Variants in ENO1 observed in about 807,000 individuals in gnomAD.
The protein encoded by ENO1 is enolase 1.
In ENO1, 33 loss-of-function variants were observed where a neutral mutation model predicts 46.3. The ratio of observed to expected loss-of-function variants is 0.71; its 90% confidence interval spans 0.54 to 0.95. The LOEUF (loss-of-function observed/expected upper bound fraction) is 0.95, where lower values mean the gene tolerates loss of function less well. Among genes scored for constraint, ENO1 ranks in the 40% least tolerant of loss-of-function variants. The probability of loss-of-function intolerance (pLI) is 0.00; values close to 1 mark genes in which losing one functional copy is unlikely to be tolerated. For missense variants in ENO1, 488 were observed against 553.3 expected (o/e 0.88, Z 1.18); for synonymous variants, 220 against 216.0 (o/e 1.02, Z -0.16).
Position 8,867,254 on chromosome 1 carries a change from G to C in ENO1, c.311-4C>G, listed in dbSNP as rs199776385. The C allele has an allele frequency of 1.5e-4, 235 of 1,613,836 alleles. 1 individual carries two copies. The highest frequency in any genetic ancestry group is 1.9e-4 in the Non-Finnish European group (223 of 1,179,884). On this transcript the variant is annotated splice_polypyrimidine_tract_variant and splice_region_variant and intron_variant, in intron 5 of 11. Transcript: ENST00000234590. ...ATGGCGTTCGCACCAAACTTAGCTA[G>C]AACAGAAGAGAACCGAGTGGAATGA...
At chr1:8,870,652 C>T (rs1002166224) in intron 3 of ENO1, 142 bp from the exon 4 acceptor site, 117 of 1,499,930 alleles carry the variant, frequency 7.8e-5, no homozygotes, top group Non-Finnish European at 2.5e-5. Flanking sequence ...TCTCCCCTTT[C>T]CCCCCAGAAT....
intron 3 of ENO1, chr1:8,871,653 T>C (rs963666889): frequency 2.3e-6 from 3 of 1,326,064 alleles, no homozygotes; most frequent in Non-Finnish European, 2.9e-6. Context: ...CAAACTGCAA[T>C]AGAAGCAAGC....
intron 7 of ENO1, chr1:8,865,991 G>C: frequency 2.7e-6 from 1 of 368,304 alleles, no homozygotes; most frequent in South Asian, 3.1e-5. Context: ...AAACTAGTAG[G>C]TATCACTTGA....
intron 4 of ENO1, chr1:8,870,224 C>G (rs1022127127): frequency 1.8e-6 from 1 of 550,162 alleles, no homozygotes; most frequent in African/African-American, 1.9e-5. Flanking sequence ...AACCTCAGGG[C>G]TCGAAGTGTC....
chr1:8,861,393 G>A lies in ENO1; in HGVS notation c.1272C>T (p.Ala424=), dbSNP rs754648631. 15 of 1,614,026 alleles carry A rather than the reference G, an allele frequency of 9.3e-6. No individual in the cohort carries two copies. The highest frequency in any genetic ancestry group is 4.4e-5 in the South Asian group (4 of 91,080). Residue 424 remains alanine (A), a synonymous_variant, in exon 12 of 12, where the codon GCC becomes GCT. Transcript: ENST00000234590. ...EEELGSKAKF[A]GRNFRNPLAK ...CCAAGGGGTTTCTGAAGTTCCTGCC[G>A]GCAAACTTAGCCTTGCTGCCCAGCT...
intron 2 of ENO1, among the ~76,000 whole-genome samples, chr1:8,874,577 C>CAAAAAAAAAAAAAAAAAAAAAAAAAAAA (rs140269736): frequency 1.2e-4 from 6 of 51,598 alleles, no homozygotes; most frequent in African/African-American, 1.4e-4. Context: ...GACTCCATCT[C>CAAAAAAAAAAAAAAAAAAAAAAAAAAAA]AAAAAAAAAA....
intron 2 of ENO1, among the ~76,000 whole-genome samples, chr1:8,874,577 CAAAAAAAAAAAA>C (rs140269736): frequency 3.9e-5 from 2 of 51,602 alleles, no homozygotes; most frequent in African/African-American, 1.4e-4. Context: ...GACTCCATCT[CAAAAAAAAAAAA>C]AAAAAAAAAA....
At chr1:8,866,551 C>A in intron 6 of ENO1, 50 bp from the exon 7 acceptor site, 2 of 1,595,996 alleles carry the variant, frequency 1.3e-6, no homozygotes, top group East Asian at 2.2e-5. Flanking sequence ...GAGAGCCCCA[C>A]AGGGCAGTAA....
intron 8 of ENO1, among the ~76,000 whole-genome samples, chr1:8,864,313 C>G (rs532497051): frequency 2.6e-4 from 40 of 152,028 alleles, no homozygotes; most frequent in African/African-American, 9.4e-4. Flanking sequence ...ATCTATAGAT[C>G]TAAAACAAAA....
rs1557576684 is a variant in ENO1 at position 8,861,398 on chromosome 1, A to C, written c.1267T>G (p.Phe423Val). 2 of 1,614,090 alleles carry C rather than the reference A, an allele frequency of 1.2e-6. No individual in the cohort carries two copies. ...GGGTTTCTGAAGTTCCTGCCGGCAA[A>C]CTTAGCCTTGCTGCCCAGCTCCTCT... Reference protein sequence around the residue: ...IEEELGSKAKFAGRNFRNPLA... With the variant: ...IEEELGSKAKVAGRNFRNPLA... The change falls in exon 12 of 12, where the codon TTT (phenylalanine) becomes GTT (valine). Residue 423 changes from phenylalanine to valine, a missense_variant. Coordinates refer to ENST00000234590, the MANE Select transcript of ENO1 (RefSeq NM_001428.5).
At chr1:8,865,565 G>A (rs2124065774) in intron 7 of ENO1, 83 bp from the exon 8 acceptor site, 4 of 1,347,094 alleles carry the variant, frequency 3.0e-6, no homozygotes, top group Non-Finnish European at 3.1e-6. Flanking sequence ...CACAGGGACT[G>A]TAACACAAAG....
intron 11 of ENO1, 98 bp downstream of exon 11, chr1:8,862,789 C>T: frequency 7.2e-7 from 1 of 1,393,736 alleles, no homozygotes; most frequent in Non-Finnish European, 9.9e-7. Flanking sequence ...GTACATGTTC[C>T]CAGAGCCAGG....
At chr1:8,877,589 C>G (rs1642760946) in intron 1 of ENO1, 1 of 152,336 alleles carries the variant, frequency 6.6e-6, no homozygotes, top group South Asian at 2.1e-4. Context: ...AGCGCGGTGG[C>G]TCACGCCTGT....
At chr1:8,869,040 T>C (rs1313585643) in intron 4 of ENO1, among the ~76,000 whole-genome samples, 1 of 152,188 alleles carries the variant, frequency 6.6e-6, no homozygotes, top group African/African-American at 2.4e-5. Flanking sequence ...GCATTATTTT[T>C]ATCTATGATG....
chr1:8,866,102 T>G lies in ENO1; in HGVS notation c.667+177A>C, dbSNP rs1439310833. ...AAAAAAAAAAAAAAAAAGAAAAAAA[T>G]AAGTAAAATAAAATGAAGCTCCCCT... On this transcript the variant is annotated intron_variant, in intron 7 of 11. Transcript: ENST00000234590. The G allele has an allele frequency of 1.5e-5, 7 of 460,912 alleles. No homozygotes were observed. In the South Asian group the frequency reaches 1.7e-4, roughly 11 times the overall value. 28.6% of individuals were successfully genotyped at this position (460,912 alleles called of 1,614,324 possible).
rs904093597 is a variant in ENO1 at position 8,866,286 on chromosome 1, A to C, written c.660T>G (p.Asn220Lys). ...GTTCCCTAGCGCCTTTACCTTCTTT[A>C]TTCTCCAGGATGTTGGGAGCAAACC... ...EGGFAPNILE[N>K]KEGLELLKTA... The change falls in exon 7 of 12, where the codon AAT becomes AAG. Residue 220 changes from asparagine (N) to lysine (K), a missense_variant. By Grantham distance (94) the Asn-to-Lys change is moderately conservative (BLOSUM62 0). Transcript: ENST00000234590. The C allele has an allele frequency of 3.1e-6, 5 of 1,613,740 alleles. No homozygotes were observed. The African/African-American group carries it at 5.3e-5, about 17-fold the overall frequency.
At chr1:8,863,006 G>A (rs761344548) in intron 10 of ENO1, 61 bp from the exon 11 acceptor site, 83 of 1,593,400 alleles carry the variant, frequency 5.2e-5, no homozygotes, top group Non-Finnish European at 7.0e-5. Flanking sequence ...TTTCTGGCAG[G>A]GAGAGGGTGT....
intron 8 of ENO1, 94 bp downstream of exon 8, chr1:8,865,191 C>A: frequency 6.7e-7 from 1 of 1,481,824 alleles, no homozygotes; most frequent in Non-Finnish European, 9.3e-7. Flanking sequence ...CTCCCCATCC[C>A]CTCCTTGCAG....
intron 10 of ENO1, 66 bp from the exon 11 acceptor site, chr1:8,863,011 G>C: frequency 6.3e-7 from 1 of 1,585,736 alleles, no homozygotes; most frequent in Non-Finnish European, 8.6e-7. Flanking sequence ...GGCAGGGAGA[G>C]GGTGTGGTGT....
Sources: allele counts gnomAD v4.1 joint callset (sites outside exome capture counted in the v4.1 genomes callset), GRCh38; gene constraint gnomAD v4.1.1; transcripts MANE v1.5; gene names NCBI Gene and HGNC (gene_info 2026-07-23, HGNC 2026-07-21).